MVD: variants seen among roughly 807,000 people sequenced by gnomAD.
The protein encoded by MVD is mevalonate diphosphate decarboxylase.
In MVD, 52 loss-of-function variants were observed where a neutral mutation model predicts 42.4. The ratio of observed to expected loss-of-function variants is 1.23; its 90% confidence interval spans 0.98 to 1.55. MVD has a LOEUF of 1.55. Ranked by LOEUF, MVD falls within the 40% of genes most tolerant of loss-of-function variation. The probability of loss-of-function intolerance (pLI) is 0.00; values close to 1 mark genes in which losing one functional copy is unlikely to be tolerated. For missense variants in MVD, 663 were observed against 572.1 expected (o/e 1.16, Z -1.62); for synonymous variants, 287 against 243.2 (o/e 1.18, Z -1.68).
chr16:88,655,737 G>T lies in MVD; in HGVS notation c.604-7C>A. 1 of 1,554,102 alleles carries T rather than the reference G, an allele frequency of 6.4e-7. No individual in the cohort carries two copies. Among genetic ancestry groups the T allele is most frequent in the Non-Finnish European group, 8.7e-7 (1 of 1,149,210 alleles). ...GCTTCTTCTCAGCGCTCACCTGCAC[G>T]AGGGAGAGACAGCCTGGGCCACACC... On this transcript the variant is annotated splice_polypyrimidine_tract_variant and splice_region_variant and intron_variant, in intron 5 of 9. Transcript: ENST00000301012.
At chr16:88,653,992 G>A (rs1230004672) in intron 8 of MVD, among the ~76,000 whole-genome samples, 1 of 152,106 alleles carries the variant, frequency 6.6e-6, no homozygotes, top group East Asian at 1.9e-4. Flanking sequence ...ACCCTTAAAT[G>A]GGAGGCGCCT....
chr16:88,653,576 T>C, intron 8 of MVD, 168 bp from the exon 9 acceptor site: 1 of 578,818 alleles, frequency 1.7e-6, no homozygotes, highest in South Asian at 2.2e-5. Context: ...TTAGGGGTGA[T>C]GAAAAAGTTA....
At chr16:88,658,076 G>T (rs772306222) in intron 2 of MVD, 47 bp from the exon 3 acceptor site, 110 of 1,563,840 alleles carry the variant, frequency 7.0e-5, no homozygotes, top group Non-Finnish European at 9.5e-5. Context: ...ATTGAGGACC[G>T]ATGCCAGCCA....
In MVD at chr16:88,655,340, G is replaced by T. The variant is rs749517862; in HGVS notation, c.756C>A (p.Phe252Leu). The stretch of plus-strand genomic sequence containing the variant: ...TGCTGTCCTTCATGGTCAGCTGGGC[G>T]AAGCTGGGGAAGTCTCGCTCCCGGA... Reference protein sequence around the residue: ...RCIRERDFPSFAQLTMKDSNQ... With the variant: ...RCIRERDFPSLAQLTMKDSNQ... The change falls in exon 7 of 10, where the codon TTC (phenylalanine) becomes TTA (leucine). Residue 252 changes from phenylalanine to leucine, a missense_variant. Physicochemically the swap from Phe to Leu is conservative, Grantham distance 22. Transcript: ENST00000301012. 1.2e-6 allele frequency: 2 copies of T among 1,602,260 alleles called. No homozygotes were observed. Among genetic ancestry groups the T allele is most frequent in the Non-Finnish European group, 1.7e-6 (2 of 1,174,922 alleles).
intron 2 of MVD, 22 bp from the exon 3 acceptor site, chr16:88,658,051 A>G: frequency 6.2e-7 from 1 of 1,608,544 alleles, no homozygotes; most frequent in Non-Finnish European, 8.5e-7. Flanking sequence ...ACCCAGGGCC[A>G]CCTCAGAGGC....
chr16:88,658,136 T>G (rs1597381287), intron 2 of MVD, 107 bp from the exon 3 acceptor site: 1 of 1,135,722 alleles, frequency 8.8e-7, no homozygotes, highest in Non-Finnish European at 1.3e-6. Context: ...TCGAGCAAGG[T>G]CAGCCCTGCT....
intron 1 of MVD, chr16:88,662,086 A>G (rs1204335207): frequency 6.6e-6 from 1 of 152,146 alleles, no homozygotes; most frequent in East Asian, 1.9e-4. Context: ...GTATGTTCAC[A>G]CAAAAACCTG....
chr16:88,657,866 G>C (rs771595297), intron 3 of MVD, 49 bp downstream of exon 3: 1 of 1,565,872 alleles, frequency 6.4e-7, no homozygotes, highest in East Asian at 2.2e-5. Context: ...TGGATGCTCG[G>C]ACCCTGCTGA....
chr16:88,657,651 G>GC lies in MVD; in HGVS notation c.257-70dup, dbSNP rs1908019926. On this transcript the variant is annotated intron_variant, in intron 3 of 9. Coordinates refer to ENST00000301012, the MANE Select transcript of MVD (RefSeq NM_002461.3). ...CTGCCCGCCCTGCTCCTGCCCACCTGCCCGGGGTCACAGCTGAACACCAGG... is the reference window on the plus strand; with the variant it reads ...CTGCCCGCCCTGCTCCTGCCCACCTGCCCCGGGGTCACAGCTGAACACCAGG... 10 of 1,576,796 alleles carry GC rather than the reference G, an allele frequency of 6.3e-6. No individual in the cohort carries two copies. In the East Asian group the frequency reaches 2.3e-4, roughly 36 times the overall value.
In MVD at chr16:88,653,329, CG is replaced by C. The variant is rs1567613051; in HGVS notation, c.1092del (p.Gly365ValfsTer121). Reference protein sequence around the residue: ...LQAALAMEPTPGGVKYIIVTQ... With the variant: ...LQAALAMEPTXGGVKYIIVTQ... The stretch of plus-strand genomic sequence containing the variant: ...GTGACAATGATGTATTTGACCCCAC[CG>C]GGGGTCGGCTCCATGGCCAGCGCAG... On this transcript the variant is annotated frameshift_variant, in exon 9 of 10. Coordinates refer to ENST00000301012, the MANE Select transcript of MVD (RefSeq NM_002461.3). 3.7e-6 allele frequency: 6 copies of C among 1,600,638 alleles called. No homozygotes were observed. Among genetic ancestry groups the C allele is most frequent in the Admixed American group, 1.8e-5 (1 of 55,446 alleles).
chr16:88,652,739 C>A, intron 9 of MVD, 134 bp from the exon 10 acceptor site: 1 of 847,372 alleles, frequency 1.2e-6, no homozygotes, highest in Non-Finnish European at 1.8e-6. Context: ...GAAGGTAAAG[C>A]GCCTGAGTGG....
Position 88,655,386 on chromosome 16 carries a change from A to C in MVD, c.710T>G (p.Met237Arg). ...FRAESVVPAR[M>R]AEMARCIRER... ...CCGGATGCAGCGGGCCATCTCCGCC[A>C]TGCGCGCGGGCACCACGGACTCGGC... Residue 237 changes from methionine (M) to arginine (R), a missense_variant, in exon 7 of 10, where the codon ATG (methionine) becomes AGG (arginine). Transcript: ENST00000301012. 1 of 1,592,546 alleles carries C rather than the reference A, an allele frequency of 6.3e-7. No individual in the cohort carries two copies. Among genetic ancestry groups the C allele is most frequent in the Non-Finnish European group, 8.5e-7 (1 of 1,171,484 alleles).
Position 88,652,541 on chromosome 16 carries a change from G to A in MVD, c.1187C>T (p.Pro396Leu), listed in dbSNP as rs774799205. Residue 396 changes from proline to leucine, a missense_variant, in exon 10 of 10, where the codon CCG becomes CTG. Physicochemically the swap from Pro to Leu is moderately conservative, Grantham distance 98. Transcript: ENST00000301012. ...CAHLLGPDGL[P>L]KPAA ...CTGAGGCAGTCAGGCAGCTGGCTTC[G>A]GCAGGCCGTCAGGACCCAGGAGGTG... 43 of 1,573,156 alleles carry A rather than the reference G, an allele frequency of 2.7e-5. 1 individual carries two copies. Among genetic ancestry groups the A allele is most frequent in the Middle Eastern group, 1.7e-4 (1 of 6,046 alleles).
intron 8 of MVD, chr16:88,653,707 G>C (rs1013560010): frequency 5.1e-5 from 16 of 313,798 alleles, no homozygotes; most frequent in African/African-American, 2.7e-4. Flanking sequence ...GCTATGCCCA[G>C]GCTGGACCCA....
chr16:88,656,232 G>A lies in MVD; in HGVS notation c.476C>T (p.Ala159Val), dbSNP rs1567615264. The A allele has an allele frequency of 6.2e-7, 1 of 1,600,232 alleles. No individual in the cohort carries two copies. The highest frequency in any genetic ancestry group is 1.7e-5 in the Admixed American group (1 of 60,010). Residue 159 changes from alanine (A) to valine (V), a missense_variant, in exon 5 of 10, where the codon GCC becomes GTC. By Grantham distance (64) the Ala-to-Val change is moderately conservative. Transcript: ENST00000301012. The part of the protein sequence containing the change: ...SEVARRGSGS[A>V]CRSLYGGFVE... ...AAAGCCCCCATACAGGCTCCGGCAG[G>A]CGCTGCCTGAGCCCCGGCGAGCCAC... is the stretch of plus-strand genomic sequence containing the variant.
rs753549486 is a variant in MVD, at chr16:88,655,301, G to A, written c.795C>T (p.Ala265=). 1 of 1,595,534 alleles carries A rather than the reference G, an allele frequency of 6.3e-7. No homozygotes were observed. Among genetic ancestry groups the A allele is most frequent in the Non-Finnish European group, 8.5e-7 (1 of 1,171,434 alleles). The change falls in exon 7 of 10, where the codon GCC becomes GCT. Residue 265 remains alanine (A), a synonymous_variant. Coordinates refer to ENST00000301012, the MANE Select transcript of MVD (RefSeq NM_002461.3). ...LTMKDSNQFH[A]TCLDTFPPIS... Reference sequence around the variant, plus strand: ...TGGGCGGGAAGGTGTCGAGGCAGGTGGCGTGGAACTGGTTGCTGTCCTTCA... The same window carrying A: ...TGGGCGGGAAGGTGTCGAGGCAGGTAGCGTGGAACTGGTTGCTGTCCTTCA...
chr16:88,655,157 CT>C, intron 7 of MVD, 41 bp downstream of exon 7: 1 of 1,544,784 alleles, frequency 6.5e-7, no homozygotes, highest in Non-Finnish European at 8.7e-7. Context: ...TAGACACGCG[CT>C]ACAGCGCGAG....
Position 88,663,051 on chromosome 16 carries a change from G to C in MVD, c.30C>G (p.Val10=), listed in dbSNP as rs759130980. The C allele has an allele frequency of 2.5e-6, 4 of 1,610,560 alleles. No homozygotes were observed. The African/African-American group carries it at 5.4e-5, about 22-fold the overall frequency. MASEKPLAA[V]TCTAPVNIAV... ...CGATGTTGACCGGCGCTGTACAAGTGACTGCCGCCAGCGGCTTCTCCGAGG... is the reference window on the plus strand; with the variant it reads ...CGATGTTGACCGGCGCTGTACAAGTCACTGCCGCCAGCGGCTTCTCCGAGG... The change falls in exon 1 of 10, where the codon GTC becomes GTG. Residue 10 remains valine (V), a synonymous_variant. Transcript: ENST00000301012.
intron 1 of MVD, 169 bp from the exon 2 acceptor site, chr16:88,658,889 T>G: frequency 1.7e-6 from 1 of 591,340 alleles, no homozygotes. Flanking sequence ...CTGCAAGAAC[T>G]GCTCCCACCC....
Sources: allele counts gnomAD v4.1 joint callset (sites outside exome capture counted in the v4.1 genomes callset), GRCh38; gene constraint gnomAD v4.1.1; transcripts MANE v1.5; gene names NCBI Gene and HGNC (gene_info 2026-07-23, HGNC 2026-07-21).